The following ADGRL3 variants were observed in gnomAD, a reference collection of about 807,000 sequenced individuals.
The protein encoded by ADGRL3 is calcium-independent alpha-latrotoxin receptor 3.
Under a neutral mutation model 153.5 loss-of-function variants are expected in ADGRL3, and 62 were observed. That is an observed-to-expected ratio of 0.40 (90% CI 0.33 to 0.50). The LOEUF is 0.50. ADGRL3 is among the 20% of genes least tolerant of loss of function. ADGRL3 has a pLI of 0.47. For missense variants in ADGRL3, 1,641 were observed against 1,859.4 expected, an observed-to-expected ratio of 0.88 and a Z score of 2.16; for synonymous variants, 710 against 672.5, an observed-to-expected ratio of 1.06 and a Z score of -0.86.
rs1228856325 is a variant in ADGRL3 at position 62,026,214 on chromosome 4, A to G, written c.3396-2641A>G. On this transcript the variant is annotated intron_variant, in intron 21 of 26. Coordinates refer to ENST00000683033, the MANE Select transcript of ADGRL3 (RefSeq NM_001387552.1). ...TTAAACTCTGTTTTGTGAGAGTCTC[A>G]TAGTAGGCAGTCTAAACCTAATATT... Among the ~76,000 whole-genome samples, 5 of 152,162 alleles carry G rather than the reference A, an allele frequency of 3.3e-5. No homozygotes were observed. In the South Asian group the frequency reaches 1.0e-3, roughly 32 times the overall value.
At chr4:61,725,996 C>T (rs1001057891) in intron 6 of ADGRL3, among the ~76,000 whole-genome samples, 2 of 152,072 alleles carry the variant, frequency 1.3e-5, no homozygotes, top group African/African-American at 4.8e-5. Flanking sequence ...CATGTGAAAG[C>T]ATTTTATTAA....
At chr4:61,209,962 T>G (rs1176875361) in intron 1 of ADGRL3, among the ~76,000 whole-genome samples, 5 of 152,150 alleles carry the variant, frequency 3.3e-5, no homozygotes, top group Non-Finnish European at 1.5e-5. Context: ...ATTTTAAGTC[T>G]CATAAGAATG....
intron 6 of ADGRL3, among the ~76,000 whole-genome samples, chr4:61,687,649 T>C (rs1342284506): frequency 6.6e-6 from 1 of 152,048 alleles, no homozygotes; most frequent in East Asian, 1.9e-4. Context: ...CAAATTAGCA[T>C]TTAGTAAATT....
intron 17 of ADGRL3, among the ~76,000 whole-genome samples, chr4:61,977,038 T>G (rs985641493): frequency 6.6e-6 from 1 of 152,214 alleles, no homozygotes; most frequent in Non-Finnish European, 1.5e-5. Context: ...TTGTTCTATG[T>G]TTGAGAGTTA....
chr4:61,337,687 G>A (rs1487221870), intron 1 of ADGRL3, among the ~76,000 whole-genome samples: 3 of 152,172 alleles, frequency 2.0e-5, no homozygotes, highest in Admixed American at 2.0e-4. Flanking sequence ...CACTTGCTGT[G>A]TGTTATGCTT....
At chr4:61,715,824 T>A (rs552971513) in intron 6 of ADGRL3, among the ~76,000 whole-genome samples, 3 of 152,070 alleles carry the variant, frequency 2.0e-5, no homozygotes, top group African/African-American at 7.2e-5. Flanking sequence ...CTATTCTAAG[T>A]GTTGCATGCT....
intron 9 of ADGRL3, among the ~76,000 whole-genome samples, chr4:61,847,658 TATATATATAATATAAA>T (rs1178176428): frequency 3.8e-5 from 2 of 52,046 alleles, no homozygotes; most frequent in East Asian, 9.7e-4. Context: ...TAAAATATAT[TATATATATAATATAAA>T]ATATATTATA....
chr4:61,521,176 T>G (rs920261213), intron 4 of ADGRL3, among the ~76,000 whole-genome samples: 1 of 152,156 alleles, frequency 6.6e-6, no homozygotes, highest in Non-Finnish European at 1.5e-5. Flanking sequence ...TTTGGTGGGT[T>G]AGAGAAGGTG....
At chr4:61,940,074 TC>T (rs2098877650) in intron 15 of ADGRL3, among the ~76,000 whole-genome samples, 1 of 107,314 alleles carries the variant, frequency 9.3e-6, no homozygotes, top group African/African-American at 3.6e-5. Flanking sequence ...ATGCTATCCC[TC>T]CCCCCTCCCC....
chr4:61,947,373 A>G (rs1454031284), intron 16 of ADGRL3, among the ~76,000 whole-genome samples: 1 of 152,202 alleles, frequency 6.6e-6, no homozygotes, highest in Non-Finnish European at 1.5e-5. Context: ...AACTAAAAAG[A>G]GCTAGCTCAA....
At chr4:61,466,695 T>C (rs2097888457) in intron 2 of ADGRL3, among the ~76,000 whole-genome samples, 3 of 152,174 alleles carry the variant, frequency 2.0e-5, no homozygotes, top group Admixed American at 1.3e-4. Context: ...TCAATAAATA[T>C]TTGTTGAATG....
intron 1 of ADGRL3, among the ~76,000 whole-genome samples, chr4:61,272,310 A>G (rs1020177753): frequency 2.6e-5 from 4 of 152,030 alleles, no homozygotes; most frequent in Admixed American, 1.3e-4. Context: ...AAATCAGTAT[A>G]TGGAAGTCAT....
intron 9 of ADGRL3, among the ~76,000 whole-genome samples, chr4:61,831,137 C>T (rs564777292): frequency 6.6e-6 from 1 of 152,204 alleles, no homozygotes; most frequent in South Asian, 2.1e-4. Flanking sequence ...GATCCACCCA[C>T]CTCTGCCTCC....
At chr4:61,708,370 T>C (rs1461803522) in intron 6 of ADGRL3, among the ~76,000 whole-genome samples, 1 of 152,138 alleles carries the variant, frequency 6.6e-6, no homozygotes, top group Non-Finnish European at 1.5e-5. Flanking sequence ...TTTATATTAT[T>C]AGCAAGAGAG....
chr4:61,957,051 A>G (rs1442346137), intron 17 of ADGRL3, among the ~76,000 whole-genome samples: 2 of 152,092 alleles, frequency 1.3e-5, no homozygotes, highest in African/African-American at 4.8e-5. Flanking sequence ...AATTCAAAGT[A>G]GTTTTTTCTA....
chr4:61,847,625 T>G (rs1205558992), intron 9 of ADGRL3, among the ~76,000 whole-genome samples: 1 of 44,706 alleles, frequency 2.2e-5, no homozygotes, highest in South Asian at 4.9e-4. Context: ...ATATATAATA[T>G]AAAATATATT....
At chr4:61,406,568 A>G (rs570764419) in intron 2 of ADGRL3, among the ~76,000 whole-genome samples, 2 of 151,594 alleles carry the variant, frequency 1.3e-5, no homozygotes, top group Non-Finnish European at 2.9e-5. Context: ...ACTAAGTGGG[A>G]TGTTATGTCA....
chr4:61,665,919 A>G (rs1167999731), intron 5 of ADGRL3, among the ~76,000 whole-genome samples: 1 of 152,190 alleles, frequency 6.6e-6, no homozygotes, highest in Non-Finnish European at 1.5e-5. Flanking sequence ...GTCTTCAGTC[A>G]CTGGCATTTG....
chr4:61,489,102 T>C (rs1178450249), intron 2 of ADGRL3, among the ~76,000 whole-genome samples: 2 of 152,002 alleles, frequency 1.3e-5, no homozygotes, highest in Non-Finnish European at 2.9e-5. Flanking sequence ...CCAGGAAGCT[T>C]TATAGCTTCT....
Sources: allele counts gnomAD v4.1 joint callset (sites outside exome capture counted in the v4.1 genomes callset), GRCh38; gene constraint gnomAD v4.1.1; transcripts MANE v1.5; gene names NCBI Gene and HGNC (gene_info 2026-07-23, HGNC 2026-07-21).